ZKSCAN1: variants seen among roughly 807,000 people sequenced by gnomAD.
The protein encoded by ZKSCAN1 is zinc finger with KRAB and SCAN domains 1.
A neutral mutation model predicts 51.6 loss-of-function variants in ZKSCAN1; 14 were observed. That is an observed-to-expected ratio of 0.27 (90% CI 0.18 to 0.42). ZKSCAN1 has a LOEUF of 0.42. Among genes scored for constraint, ZKSCAN1 ranks in the 10% least tolerant of loss-of-function variants. ZKSCAN1 has a pLI of 1.00. For synonymous variants in ZKSCAN1, 263 were observed against 261.5 expected (o/e 1.01, Z -0.06); for missense variants, 531 against 710.0 (o/e 0.75, Z 2.86).
intron 5 of ZKSCAN1, among the ~76,000 whole-genome samples, chr7:100,031,810 C>T (rs1251392123): frequency 6.6e-6 from 1 of 152,218 alleles, no homozygotes; most frequent in African/African-American, 2.4e-5. Context: ...GGCACAATGG[C>T]TCACACCTGT....
rs1349994324 is a variant in ZKSCAN1, at chr7:100,023,621, G to A, written c.115G>A (p.Gly39Arg). The change falls in exon 2 of 6, where the codon GGG becomes AGG. Residue 39 changes from glycine to arginine, a missense_variant. Gly to Arg is a moderately radical substitution (Grantham distance 125, BLOSUM62 -2). Around this residue, in one of 2 missense-constraint regions of ZKSCAN1, gnomAD observed 403 missense variants for 490.5 expected, o/e 0.82. Coordinates refer to ENST00000324306, the MANE Select transcript of ZKSCAN1 (RefSeq NM_003439.4). ...EEEDEEDHMW[G>R]QDSTLQDTPP... The stretch of plus-strand genomic sequence containing the variant: ...GGAAGATGAGGAAGACCACATGTGG[G>A]GGCAGGATTCCACCCTACAGGACAC... The A allele has an allele frequency of 6.8e-6, 11 of 1,613,864 alleles. No individual in the cohort carries two copies. The Admixed American group carries it at 1.0e-4, about 15-fold the overall frequency.
intron 3 of ZKSCAN1, chr7:100,024,616 T>G: frequency 3.6e-6 from 1 of 277,468 alleles, no homozygotes; most frequent in Non-Finnish European, 7.0e-6. Flanking sequence ...AGAAAAGAAT[T>G]AGGCTCGGCA....
intron 3 of ZKSCAN1, among the ~76,000 whole-genome samples, chr7:100,025,946 C>T (rs554699602): frequency 2.0e-5 from 3 of 152,104 alleles, no homozygotes; most frequent in East Asian, 1.9e-4. Flanking sequence ...ATTGGCTGAG[C>T]GCAGTGGCTC....
At position 100,038,259 on chromosome 7, in the gene ZKSCAN1, C is replaced by T. The variant is rs1489846519; in HGVS notation, c.*4062C>T. ...AAGCAGATACTGTATTTTATTTTAGCCTATTTGACAGAACACATCACTCAG... is the reference window on the plus strand; with the variant it reads ...AAGCAGATACTGTATTTTATTTTAGTCTATTTGACAGAACACATCACTCAG... On this transcript the variant is annotated 3_prime_UTR_variant, in exon 6 of 6. Coordinates refer to ENST00000324306, the MANE Select transcript of ZKSCAN1 (RefSeq NM_003439.4). 2.0e-6 allele frequency: 2 copies of T among 985,034 alleles called. No homozygotes were observed. The highest frequency in any genetic ancestry group is 3.5e-5 in the African/African-American group (2 of 57,116). The allele number at this position is 985,034 out of a possible 1,614,324, so 61.0% of individuals were successfully genotyped here.
At chr7:100,042,736 A>ATGTG (rs1791630482), downstream of ZKSCAN1, among the ~76,000 whole-genome samples, 1 of 81,852 alleles carries the variant, frequency 1.2e-5, no homozygotes, top group Non-Finnish European at 2.4e-5. Context: ...GTATAGATAC[A>ATGTG]CGTGTGTGTG....
rs1791540248 is a variant in ZKSCAN1, at chr7:100,040,295, G to C, written c.*6098G>C. ...ACCCTAAAACAGTGGAAGGAAACTG[G>C]GTGTTTGGTAGACTTCTAAATCATG... On this transcript the variant is annotated 3_prime_UTR_variant, in exon 6 of 6. Transcript: ENST00000324306. 1.0e-6 allele frequency: 1 copy of C among 985,246 alleles called. No homozygotes were observed. Among genetic ancestry groups the C allele is most frequent in the African/African-American group, 1.7e-5 (1 of 57,214 alleles). The allele number at this position is 985,246 out of a possible 1,614,324, so 61.0% of individuals were successfully genotyped here. A position where few individuals can be genotyped will look rare whatever the true frequency, so the allele number is the denominator to read the frequency against.
rs1037863950 is a variant in ZKSCAN1 at position 100,034,897 on chromosome 7, A to G, written c.*700A>G. The G allele has an allele frequency of 1.3e-5, 2 of 152,812 alleles. No homozygotes were observed. Among genetic ancestry groups the G allele is most frequent in the East Asian group, 3.9e-4 (2 of 5,192 alleles). 9.5% of individuals were successfully genotyped at this position (152,812 alleles called of 1,614,324 possible). A position where few individuals can be genotyped will look rare whatever the true frequency, so the allele number is the denominator to read the frequency against. The stretch of plus-strand genomic sequence containing the variant: ...AGATCAGTTCTACTGAAATGGCAAC[A>G]ACAACTCCAAATACATCTCTCCCTT... On this transcript the variant is annotated 3_prime_UTR_variant, in exon 6 of 6. Transcript: ENST00000324306.
In ZKSCAN1 at chr7:100,035,288, C is replaced by G. The variant is rs772411836; in HGVS notation, c.*1091C>G. 2 of 152,142 alleles carry G rather than the reference C, an allele frequency of 1.3e-5. No individual in the cohort carries two copies. Among genetic ancestry groups the G allele is most frequent in the Non-Finnish European group, 2.9e-5 (2 of 68,028 alleles). The allele number at this position is 152,142 out of a possible 1,614,324, so 9.4% of individuals were successfully genotyped here. A position where few individuals can be genotyped will look rare whatever the true frequency, so the allele number is the denominator to read the frequency against. On this transcript the variant is annotated 3_prime_UTR_variant, in exon 6 of 6. Coordinates refer to ENST00000324306, the MANE Select transcript of ZKSCAN1 (RefSeq NM_003439.4). ...TCTAGGGTCTGATGCTGTTTTTGTT[C>G]CAAATATAAACGAAAGGCACTAGTC...
chr7:100,032,177 G>A (rs1260923122), intron 5 of ZKSCAN1, among the ~76,000 whole-genome samples: 1 of 152,192 alleles, frequency 6.6e-6, no homozygotes, highest in African/African-American at 2.4e-5. Context: ...CTTTCTTTCT[G>A]CTAATACCAC....
Position 100,040,596 on chromosome 7 carries a change from T to C in ZKSCAN1, c.*6399T>C, listed in dbSNP as rs1791552336. 1.0e-6 allele frequency: 1 copy of C among 985,424 alleles called. No individual in the cohort carries two copies. The highest frequency in any genetic ancestry group is 1.2e-6 in the Non-Finnish European group (1 of 829,942). The allele number at this position is 985,424 out of a possible 1,614,324, so 61.0% of individuals were successfully genotyped here. A position where few individuals can be genotyped will look rare whatever the true frequency, so the allele number is the denominator to read the frequency against. ...AGGGAAGGGTCCAAGCAGCCACAGT[T>C]GCCCTAAATCTCCATCATTAAGTCT... On this transcript the variant is annotated 3_prime_UTR_variant, in exon 6 of 6. Transcript: ENST00000324306.
At position 100,023,753 on chromosome 7, in the gene ZKSCAN1, C is replaced by A. The variant is rs1156756925; in HGVS notation, c.247C>A (p.Gln83Lys). The A allele has an allele frequency of 6.2e-7, 1 of 1,614,086 alleles. No homozygotes were observed. Among genetic ancestry groups the A allele is most frequent in the African/African-American group, 1.3e-5 (1 of 74,930 alleles). ...CAGTCGGCTGAAGGAACTTTGTCAT[C>A]AGTGGCTGCGGCCAGAAATAAACAC... ...ALSRLKELCH[Q>K]WLRPEINTKE... Residue 83 changes from glutamine (Q) to lysine (K), a missense_variant, in exon 2 of 6, where the codon CAG (glutamine) becomes AAG (lysine). Gln to Lys is a moderately conservative substitution (Grantham distance 53). Transcript: ENST00000324306.
intron 1 of ZKSCAN1, among the ~76,000 whole-genome samples, chr7:100,020,300 T>A (rs2115825052): frequency 6.6e-6 from 1 of 152,182 alleles, no homozygotes; most frequent in Middle Eastern, 3.4e-3. Context: ...TAGGAAATAC[T>A]GATGAGAGGG....
intron 3 of ZKSCAN1, among the ~76,000 whole-genome samples, chr7:100,027,280 A>AGGGAGAT: frequency 6.6e-6 from 1 of 150,604 alleles, no homozygotes; most frequent in Middle Eastern, 3.4e-3. Context: ...TGGGCGACAG[A>AGGGAGAT]GCAACACTCA....
intron 1 of ZKSCAN1, among the ~76,000 whole-genome samples, chr7:100,020,639 G>C (rs1036222899): frequency 2.0e-5 from 3 of 152,160 alleles, no homozygotes; most frequent in African/African-American, 7.2e-5. Flanking sequence ...CTGGGCGATA[G>C]AGCAAGACTC....
chr7:100,020,237 A>G (rs1173197037), intron 1 of ZKSCAN1, among the ~76,000 whole-genome samples: 3 of 152,206 alleles, frequency 2.0e-5, no homozygotes, highest in Admixed American at 6.5e-5. Flanking sequence ...GGGAAGTCCC[A>G]GGCATGGAGT....
At chr7:100,020,687 T>C (rs1281175137) in intron 1 of ZKSCAN1, among the ~76,000 whole-genome samples, 2 of 152,178 alleles carry the variant, frequency 1.3e-5, no homozygotes, top group African/African-American at 4.8e-5. Flanking sequence ...TTTGTGCTGT[T>C]ATATGTACAT....
At chr7:100,017,465 C>T (rs1330592834) in intron 1 of ZKSCAN1, among the ~76,000 whole-genome samples, 1 of 152,176 alleles carries the variant, frequency 6.6e-6, no homozygotes, top group African/African-American at 2.4e-5. Flanking sequence ...TCAGGCAGTC[C>T]GCCAACCTCA....
Position 100,036,088 on chromosome 7 carries a change from A to G in ZKSCAN1, c.*1891A>G, listed in dbSNP as rs1398399294. On this transcript the variant is annotated 3_prime_UTR_variant, in exon 6 of 6. Transcript: ENST00000324306. ...TCAGCAGCTAAAGTCCATGAGACCA[A>G]ATGGTTTTATATGGAACCAACGAAG... 6.1e-6 allele frequency: 6 copies of G among 985,300 alleles called. No individual in the cohort carries two copies. Among genetic ancestry groups the G allele is most frequent in the Non-Finnish European group, 6.0e-6 (5 of 829,938 alleles). 61.0% of individuals were successfully genotyped at this position (985,300 alleles called of 1,614,324 possible).
At chr7:100,045,017 GA>G (rs898777804), downstream of ZKSCAN1, 4 of 970,454 alleles carry the variant, frequency 4.1e-6, no homozygotes, top group Middle Eastern at 5.2e-4. Flanking sequence ...CACCTTACTG[GA>G]AATGGAAGGA....
Sources: allele counts gnomAD v4.1 joint callset (sites outside exome capture counted in the v4.1 genomes callset), GRCh38; gene constraint gnomAD v4.1.1; regional missense constraint gnomAD v4.1.1; transcripts MANE v1.5; gene names NCBI Gene and HGNC (gene_info 2026-07-23, HGNC 2026-07-21).